The following SYT14 variants were observed in gnomAD, a reference collection of about 807,000 sequenced individuals.
The protein encoded by SYT14 is synaptotagmin-14.
SYT14 carries 32 observed loss-of-function variants against 74.2 expected under a neutral mutation model. The ratio of observed to expected loss-of-function variants is 0.43; its 90% CI spans 0.33 to 0.58. The LOEUF is 0.58. Among genes scored for constraint, SYT14 ranks in the 20% least tolerant of loss-of-function variants. SYT14 has a pLI of 0.05. For missense variants in SYT14, 791 were observed against 981.8 expected, an observed-to-expected ratio of 0.81 and a Z score of 2.60; for synonymous variants, 298 against 337.7, an observed-to-expected ratio of 0.88 and a Z score of 1.29.
intron 5 of SYT14, among the ~76,000 whole-genome samples, chr1:210,023,617 C>T (rs2080348544): frequency 6.6e-6 from 1 of 152,142 alleles, no homozygotes; most frequent in South Asian, 2.1e-4. Context: ...GCTGGGATTA[C>T]AGGCATGAGC....
intron 2 of SYT14, among the ~76,000 whole-genome samples, chr1:210,004,408 T>A (rs571423763): frequency 1.2e-4 from 18 of 151,950 alleles, no homozygotes; most frequent in Non-Finnish European, 2.2e-4. Context: ...TTTATATATC[T>A]CCCAAAATAC....
At chr1:210,055,220 GA>G (rs2102392975) in intron 5 of SYT14, among the ~76,000 whole-genome samples, 1 of 152,294 alleles carries the variant, frequency 6.6e-6, no homozygotes, top group Non-Finnish European at 1.5e-5. Context: ...AAACTTTTCA[GA>G]GTCTTTTCTT....
chr1:210,161,473 G>C (rs1193708776), exon 10 of SYT14: 3 of 454,112 alleles, frequency 6.6e-6, no homozygotes, highest in South Asian at 1.6e-5. Flanking sequence ...CCTGGTGTTT[G>C]TAATGTTCTT....
chr1:209,965,023 T>C (rs371434605), intron 2 of SYT14, among the ~76,000 whole-genome samples: 41 of 152,300 alleles, frequency 2.7e-4, no homozygotes, highest in African/African-American at 9.4e-4. Context: ...ATGTTCACTT[T>C]TTTTCTGTAC....
intron 5 of SYT14, among the ~76,000 whole-genome samples, chr1:210,029,409 G>A (rs949826829): frequency 9.2e-5 from 14 of 152,060 alleles, no homozygotes; most frequent in Admixed American, 5.9e-4. Context: ...AAGTCTTATC[G>A]TTATGATGTG....
rs1252437017 is a variant in SYT14, at chr1:209,952,774, A to G, written c.-486+18A>G. 8 of 1,597,856 alleles carry G rather than the reference A, an allele frequency of 5.0e-6. No homozygotes were observed. The highest frequency in any genetic ancestry group is 6.8e-6 in the Non-Finnish European group (8 of 1,169,242). On this transcript the variant is annotated intron_variant, in intron 2 of 9. Transcript: ENST00000637265. ...TAGAAAAGGTAAGTCATTGCTCTGC[A>G]TGGCTATTTACATACTAAATGAATA...
At chr1:210,075,569 G>A (rs1008117406) in intron 5 of SYT14, among the ~76,000 whole-genome samples, 12 of 149,130 alleles carry the variant, frequency 8.0e-5, no homozygotes, top group Admixed American at 7.3e-4. Flanking sequence ...TCCTGACCTC[G>A]TGATCCGCCT....
At chr1:210,159,392 T>C (rs1364382469) in intron 8 of SYT14, 29 bp from the exon 8 acceptor site, 1 of 1,550,142 alleles carries the variant, frequency 6.5e-7, no homozygotes, top group South Asian at 1.2e-5. Context: ...TCATTATTTC[T>C]TTTACTGCTT....
chr1:210,159,702 T>C (rs572091476), intron 9 of SYT14, among the ~76,000 whole-genome samples: 4 of 152,330 alleles, frequency 2.6e-5, no homozygotes, highest in African/African-American at 9.6e-5. Flanking sequence ...TAAAAATTTT[T>C]ATTTTTTCAT....
At chr1:209,945,523 G>A (rs1253970734) in intron 1 of SYT14, among the ~76,000 whole-genome samples, 3 of 152,170 alleles carry the variant, frequency 2.0e-5, no homozygotes, top group Admixed American at 6.5e-5. Context: ...GTCTGCATAA[G>A]GATTAGCTAT....
chr1:210,130,166 A>C (rs2082644543), intron 7 of SYT14, among the ~76,000 whole-genome samples: 2 of 152,218 alleles, frequency 1.3e-5, no homozygotes, highest in South Asian at 4.1e-4. Flanking sequence ...AAACGAATGG[A>C]AAGAAGTACT....
In SYT14 at chr1:209,974,058, G is replaced by GT. The variant is rs985662048; in HGVS notation, c.-486+21312dup. On this transcript the variant is annotated intron_variant, in intron 2 of 9. Transcript: ENST00000637265. ...CCTTCGCCCACTTTTTGATGGGGTTGTTTTTTTTTTCCTTGTAAATTTGTT... is the reference window on the plus strand; with the variant it reads ...CCTTCGCCCACTTTTTGATGGGGTTGTTTTTTTTTTTCCTTGTAAATTTGTT... 2.4e-4 allele frequency among the ~76,000 whole-genome samples: 35 copies of GT among 148,926 alleles called. 1 individual carries two copies. The highest frequency in any genetic ancestry group is 4.3e-4 in the South Asian group (2 of 4,694).
intron 1 of SYT14, among the ~76,000 whole-genome samples, chr1:209,950,408 T>C (rs568740474): frequency 3.9e-4 from 60 of 152,294 alleles, no homozygotes; most frequent in South Asian, 1.9e-3. Flanking sequence ...ATCTCCTCAA[T>C]TGGAAAGAAC....
chr1:210,169,739 G>A (rs61513767), exon 10 of SYT14: 3 of 152,110 alleles, frequency 2.0e-5, no homozygotes, highest in Admixed American at 1.3e-4. Context: ...AGTTAAATTA[G>A]CCTTGAGGAA....
rs34726566 is a variant in SYT14, at chr1:209,942,360, A to ACCCC, written c.-534+4093_-534+4096dup. Among the ~76,000 whole-genome samples, 5 of 74,638 alleles carry ACCCC rather than the reference A, an allele frequency of 6.7e-5. 2 individuals carry two copies. The highest frequency in any genetic ancestry group is 4.7e-4 in the African/African-American group (5 of 10,576). The allele number at this position is 74,638 out of a possible 152,430, so 49.0% of individuals were successfully genotyped here. ...CCAAATCCAGCCTCCATGCAAATTT[A>ACCCC]CCCCCCCCCCCCCGCTCTGTTGTGC... is the stretch of plus-strand genomic sequence containing the variant. On this transcript the variant is annotated intron_variant, in intron 1 of 9. Transcript: ENST00000637265.
intron 2 of SYT14, among the ~76,000 whole-genome samples, chr1:209,960,840 C>G (rs1300482763): frequency 1.3e-5 from 2 of 152,040 alleles, no homozygotes; most frequent in African/African-American, 4.8e-5. Context: ...GTTTCTTATC[C>G]TAATACATAA....
chr1:209,988,418 G>C (rs1458967854), intron 2 of SYT14, among the ~76,000 whole-genome samples: 1 of 152,026 alleles, frequency 6.6e-6, no homozygotes, highest in Non-Finnish European at 1.5e-5. Context: ...TTCTGAGTCA[G>C]TTTCGATTGA....
exon 10 of SYT14, chr1:210,161,842 G>T (rs1167318283): frequency 8.8e-6 from 4 of 453,208 alleles, no homozygotes; most frequent in Non-Finnish European, 1.8e-5. Flanking sequence ...TTCCAATGTA[G>T]GAAGCTAATA....
intron 5 of SYT14, among the ~76,000 whole-genome samples, chr1:210,028,485 A>G (rs2080461192): frequency 1.3e-5 from 2 of 152,102 alleles, no homozygotes; most frequent in East Asian, 3.9e-4. Flanking sequence ...CTGTGATTTT[A>G]ACTACTCTAA....
Sources: allele counts gnomAD v4.1 joint callset (sites outside exome capture counted in the v4.1 genomes callset), GRCh38; gene constraint gnomAD v4.1.1; transcripts MANE v1.5; gene names NCBI Gene and HGNC (gene_info 2026-07-23, HGNC 2026-07-21).